Variants in BRWD1 observed in about 807,000 individuals in gnomAD.
BRWD1 encodes bromodomain and WD repeat domain containing 1, also known as bromodomain and WD repeat-containing protein 1.
Under a neutral mutation model 251.2 loss-of-function variants are expected in BRWD1, and 82 were observed. The ratio of observed to expected loss-of-function variants is 0.33; its 90% CI spans 0.27 to 0.39. The LOEUF (loss-of-function observed/expected upper bound fraction) is 0.39. BRWD1 is among the 10% of genes least tolerant of loss of function. The pLI is 1.00. For missense variants in BRWD1, 2,233 were observed against 2,711.6 expected (o/e 0.82, Z 3.92); for synonymous variants, 918 against 902.8 (o/e 1.02, Z -0.30).
chr21:39,320,380 G>C (rs1381281616), intron 1 of BRWD1, among the ~76,000 whole-genome samples: 1 of 152,048 alleles, frequency 6.6e-6, no homozygotes, highest in Non-Finnish European at 1.5e-5. Flanking sequence ...TGTCATCCAG[G>C]GTGGAGTGCA....
At chr21:39,320,109 G>A (rs1429513274) in intron 1 of BRWD1, among the ~76,000 whole-genome samples, 1 of 152,164 alleles carries the variant, frequency 6.6e-6, no homozygotes, top group Non-Finnish European at 1.5e-5. Context: ...TGGCTCGCTT[G>A]CCCTTGAGTT....
rs747383029 is a variant in BRWD1 at position 39,280,241 on chromosome 21, G to C, written c.839C>G (p.Pro280Arg). ...GTATCTTTGAGAGCCTTTGGCCATCGGGCTAAACTAAAAAGTAAAACATAT... is the reference window on the plus strand; with the variant it reads ...GTATCTTTGAGAGCCTTTGGCCATCCGGCTAAACTAAAAAGTAAAACATAT... ...TGSITSLQFS[P>R]MAKGSQRYMV... The change falls in exon 9 of 41, where the codon CCG becomes CGG. Residue 280 changes from proline (P) to arginine (R), a missense_variant. By Grantham distance (103) the Pro-to-Arg change is moderately radical (BLOSUM62 -2). Transcript: ENST00000342449. 6.2e-7 allele frequency: 1 copy of C among 1,603,112 alleles called. No homozygotes were observed. Among genetic ancestry groups the C allele is most frequent in the South Asian group, 1.1e-5 (1 of 88,608 alleles).
chr21:39,247,635 C>A, intron 21 of BRWD1, 66 bp downstream of exon 21: 3 of 1,471,070 alleles, frequency 2.0e-6, no homozygotes, highest in Non-Finnish European at 1.8e-6. Flanking sequence ...TATATTCATT[C>A]AAAGTAAAGA....
chr21:39,200,280 A>G lies in BRWD1; in HGVS notation c.4692T>C (p.Ser1564=), dbSNP rs1283811932. 2 of 1,613,986 alleles carry G rather than the reference A, an allele frequency of 1.2e-6. No individual in the cohort carries two copies. Among genetic ancestry groups the G allele is most frequent in the African/African-American group, 1.3e-5 (1 of 74,914 alleles). Reference sequence around the variant, plus strand: ...TGAGATTGCTGCTTCTGGATAGCCCACTGCGTGAGGAGGATTCACGAGCTC... The same window carrying G: ...TGAGATTGCTGCTTCTGGATAGCCCGCTGCGTGAGGAGGATTCACGAGCTC... ...SSRARESSSR[S]GLSRSSNLRV... The change falls in exon 39 of 41, where the codon AGT becomes AGC. Residue 1564 remains serine (S), a synonymous_variant. Coordinates refer to ENST00000342449, the MANE Select transcript of BRWD1 (RefSeq NM_033656.4).
chr21:39,207,405 G>A (rs1179515120), intron 36 of BRWD1, among the ~76,000 whole-genome samples: 2 of 147,702 alleles, frequency 1.4e-5, no homozygotes, highest in Non-Finnish European at 3.0e-5. Context: ...CTCCAGCCTG[G>A]GCAACAGAGT....
chr21:39,318,037 G>A (rs8133928), upstream of BRWD1, among the ~76,000 whole-genome samples: 77,461 of 151,528 alleles, frequency 0.51, 20,105 homozygotes, highest in African/African-American at 0.59. Flanking sequence ...GCAACAGAGC[G>A]AGACCCTGTC....
At chr21:39,250,650 T>C in intron 20 of BRWD1, 146 bp downstream of exon 20, 1 of 559,860 alleles carries the variant, frequency 1.8e-6, no homozygotes, top group Non-Finnish European at 3.1e-6. Flanking sequence ...TAACCTTAAG[T>C]CTACTATTTT....
intron 32 of BRWD1, 95 bp downstream of exon 32, chr21:39,215,142 T>C (rs1394481359): frequency 7.7e-7 from 1 of 1,299,122 alleles, no homozygotes; most frequent in Non-Finnish European, 1.1e-6. Context: ...AGTGCTGGGA[T>C]TAACAGGCAT....
At chr21:39,305,095 G>A (rs1404794485) in intron 4 of BRWD1, among the ~76,000 whole-genome samples, 1 of 151,874 alleles carries the variant, frequency 6.6e-6, no homozygotes. Context: ...AAGTAGCTGG[G>A]ACTACAGGCA....
intron 1 of BRWD1, among the ~76,000 whole-genome samples, chr21:39,320,500 A>G (rs2036736608): frequency 6.6e-6 from 1 of 151,888 alleles, no homozygotes; most frequent in Non-Finnish European, 1.5e-5. Flanking sequence ...ACAACTGGCT[A>G]GTTTTTGCAT....
At position 39,229,299 on chromosome 21, in the gene BRWD1, A is replaced by G; in HGVS notation, c.3125+13T>C. On this transcript the variant is annotated intron_variant, in intron 26 of 40. Coordinates refer to ENST00000342449, the MANE Select transcript of BRWD1 (RefSeq NM_033656.4). ...TAAATTTAAGTAATTCCATTTTAAA[A>G]AATAATACATACCTAATAGAGAAAG... is the stretch of plus-strand genomic sequence containing the variant. 3.8e-6 allele frequency: 6 copies of G among 1,573,768 alleles called. No individual in the cohort carries two copies. The highest frequency in any genetic ancestry group is 5.2e-6 in the Non-Finnish European group (6 of 1,152,226).
intron 21 of BRWD1, among the ~76,000 whole-genome samples, chr21:39,240,150 G>A (rs1012184227): frequency 6.6e-6 from 1 of 152,142 alleles, no homozygotes; most frequent in African/African-American, 2.4e-5. Context: ...AATCTGCAAA[G>A]GCTACTAGCT....
rs996943777 is a variant in BRWD1, at chr21:39,190,652, A to G, written c.*5607T>C. The G allele has an allele frequency of 1.2e-5, 12 of 985,282 alleles. 1 individual carries two copies. The Admixed American group carries it at 1.8e-4, about 15-fold the overall frequency. 61.0% of individuals were successfully genotyped at this position (985,282 alleles called of 1,614,324 possible). A position where few individuals can be genotyped will look rare whatever the true frequency, so the allele number is the denominator to read the frequency against. On this transcript the variant is annotated 3_prime_UTR_variant, in exon 41 of 41. Transcript: ENST00000342449. ...CTCAGAAAGCAAATAACATTTATCAATGATCTTCATCCCTCCCAAAGCAGA... is the reference window on the plus strand; with the variant it reads ...CTCAGAAAGCAAATAACATTTATCAGTGATCTTCATCCCTCCCAAAGCAGA...
chr21:39,276,876 C>T (rs562766486), intron 11 of BRWD1, among the ~76,000 whole-genome samples: 1 of 152,224 alleles, frequency 6.6e-6, no homozygotes, highest in Admixed American at 6.5e-5. Context: ...ATCTGAGTTG[C>T]CAGTGACATA....
chr21:39,294,433 G>A (rs993064732), intron 7 of BRWD1, among the ~76,000 whole-genome samples: 23 of 152,260 alleles, frequency 1.5e-4, no homozygotes, highest in African/African-American at 4.6e-4. Context: ...CCAGGTGGGC[G>A]GATCACAAGG....
intron 9 of BRWD1, among the ~76,000 whole-genome samples, chr21:39,279,556 T>C (rs111483222): frequency 6.8e-6 from 1 of 147,864 alleles, no homozygotes; most frequent in East Asian, 2.0e-4. Flanking sequence ...GGAGAATCAC[T>C]TGAACCCAGG....
intron 21 of BRWD1, among the ~76,000 whole-genome samples, chr21:39,239,309 G>C (rs750535538): frequency 1.3e-5 from 2 of 151,900 alleles, no homozygotes; most frequent in African/African-American, 2.4e-5. Context: ...AAGTTTTATG[G>C]TTTTTTTGTT....
In BRWD1 at chr21:39,194,481, C is replaced by T; in HGVS notation, c.*1778G>A. 6 of 1,403,010 alleles carry T rather than the reference C, an allele frequency of 4.3e-6. No individual in the cohort carries two copies. Among genetic ancestry groups the T allele is most frequent in the Non-Finnish European group, 5.5e-6 (6 of 1,082,364 alleles). The allele number at this position is 1,403,010 out of a possible 1,614,324, so 86.9% of individuals were successfully genotyped here. On this transcript the variant is annotated 3_prime_UTR_variant, in exon 41 of 41. Transcript: ENST00000342449. ...CAATCTGTTTACTATCTACTTAACA[C>T]AAGTTCTGAGAAGAAAAGCATCATA...
chr21:39,216,247 A>G (rs1320604116), intron 31 of BRWD1, among the ~76,000 whole-genome samples: 1 of 152,252 alleles, frequency 6.6e-6, no homozygotes, highest in African/African-American at 2.4e-5. Flanking sequence ...GAAGCCAAAG[A>G]TAAAAAGTCA....
Sources: gnomAD v4.1 joint callset for allele counts (sites outside exome capture counted in the v4.1 genomes callset) on GRCh38, gnomAD v4.1.1 for gene constraint, MANE v1.5 for transcripts, NCBI Gene and HGNC (gene_info 2026-07-23, HGNC 2026-07-21) for gene names.